The following SLC44A5 variants were observed in gnomAD, a reference collection of about 807,000 sequenced individuals.
The protein encoded by SLC44A5 is solute carrier family 44 member 5.
A neutral mutation model predicts 101.8 loss-of-function variants in SLC44A5; 57 were observed. That is an observed-to-expected ratio of 0.56 (90% CI 0.45 to 0.70). SLC44A5 has a LOEUF of 0.70. SLC44A5 is among the 30% of genes least tolerant of loss of function. SLC44A5 has a pLI of 0.00. For synonymous variants in SLC44A5, 281 were observed against 290.9 expected (o/e 0.97, Z 0.35); for missense variants, 737 against 853.1 (o/e 0.86, Z 1.70).
At chr1:75,268,617 C>T (rs1651201730) in intron 6 of SLC44A5, among the ~76,000 whole-genome samples, 1 of 152,070 alleles carries the variant, frequency 6.6e-6, no homozygotes, top group African/African-American at 2.4e-5. Flanking sequence ...AAAATAATTA[C>T]TGTAAGCATA....
chr1:75,277,606 C>A (rs1295453882), intron 5 of SLC44A5, among the ~76,000 whole-genome samples: 1 of 151,154 alleles, frequency 6.6e-6, no homozygotes, highest in Non-Finnish European at 1.5e-5. Context: ...GCAAAATGTT[C>A]ATAATGTAGG....
At chr1:75,689,524 G>A in the SLC44A5 span, among the ~76,000 whole-genome samples, 4 of 152,300 alleles carry the variant, frequency 2.6e-5, no homozygotes, top group African/African-American at 4.8e-5. Context: ...GCCATTGTAC[G>A]AGGCCCTAAC....
intron 9 of SLC44A5, 21 bp downstream of exon 9, chr1:75,241,980 G>C: frequency 6.3e-7 from 1 of 1,595,288 alleles, no homozygotes; most frequent in East Asian, 2.2e-5. Context: ...ATGTTTCTAA[G>C]GTAAAATAGT....
chr1:75,500,695 A>G (rs1217397519), intron 2 of SLC44A5, among the ~76,000 whole-genome samples: 4 of 152,222 alleles, frequency 2.6e-5, no homozygotes, highest in Non-Finnish European at 5.9e-5. Context: ...TGTAAAATTG[A>G]AGCAAATCAC....
intron 5 of SLC44A5, among the ~76,000 whole-genome samples, chr1:75,276,172 T>G (rs888303694): frequency 2.6e-5 from 4 of 152,194 alleles, no homozygotes; most frequent in African/African-American, 9.7e-5. Flanking sequence ...AGAGGCCAAA[T>G]TGGTTTCATC....
At chr1:75,355,334 C>T (rs557845910) in intron 3 of SLC44A5, among the ~76,000 whole-genome samples, 1 of 152,266 alleles carries the variant, frequency 6.6e-6, no homozygotes, top group South Asian at 2.1e-4. Context: ...AGTTTATATT[C>T]TAACACTATG....
At chr1:75,533,493 G>A (rs2101926051) in intron 2 of SLC44A5, among the ~76,000 whole-genome samples, 1 of 152,220 alleles carries the variant, frequency 6.6e-6, no homozygotes, top group East Asian at 1.9e-4. Context: ...TAGAGCCAGG[G>A]AAGGCAACGA....
chr1:75,355,097 A>G (rs1658970371), intron 3 of SLC44A5, among the ~76,000 whole-genome samples: 1 of 152,240 alleles, frequency 6.6e-6, no homozygotes, highest in Non-Finnish European at 1.5e-5. Context: ...AGTAATATAC[A>G]TTTAGTCAAA....
At chr1:75,416,024 G>A (rs1663620188) in intron 2 of SLC44A5, among the ~76,000 whole-genome samples, 1 of 152,206 alleles carries the variant, frequency 6.6e-6, no homozygotes, top group African/African-American at 2.4e-5. Flanking sequence ...CATTTTCTGA[G>A]TAGAATCCAA....
intron 4 of SLC44A5, among the ~76,000 whole-genome samples, chr1:75,335,317 A>G (rs1309430079): frequency 6.6e-6 from 1 of 152,220 alleles, no homozygotes; most frequent in Non-Finnish European, 1.5e-5. Flanking sequence ...ACTGATGTCT[A>G]AAATCAGAAT....
chr1:75,322,529 A>C (rs544651717), intron 4 of SLC44A5, among the ~76,000 whole-genome samples: 56 of 152,272 alleles, frequency 3.7e-4, no homozygotes, highest in Admixed American at 3.3e-3. Context: ...GAGAAAACTC[A>C]GTAATTTAGG....
At chr1:75,250,054 A>G (rs1381214151) in intron 7 of SLC44A5, among the ~76,000 whole-genome samples, 1 of 152,160 alleles carries the variant, frequency 6.6e-6, no homozygotes, top group Non-Finnish European at 1.5e-5. Context: ...TTACATAGGT[A>G]AACTTGTGTC....
intron 6 of SLC44A5, among the ~76,000 whole-genome samples, chr1:75,255,188 T>C (rs980521875): frequency 8.5e-5 from 13 of 152,082 alleles, no homozygotes; most frequent in Non-Finnish European, 1.9e-4. Flanking sequence ...AACCACCCAG[T>C]CCTTTTTTCT....
intron 2 of SLC44A5, among the ~76,000 whole-genome samples, chr1:75,406,448 T>C (rs567890338): frequency 2.0e-5 from 3 of 152,282 alleles, no homozygotes; most frequent in African/African-American, 7.2e-5. Context: ...TGAACATCGA[T>C]GTGAAAATCC....
At chr1:75,443,871 A>G (rs1200013589) in intron 2 of SLC44A5, among the ~76,000 whole-genome samples, 1 of 152,116 alleles carries the variant, frequency 6.6e-6, no homozygotes, top group Non-Finnish European at 1.5e-5. Context: ...AAGAAATGAA[A>G]AGACCATTTA....
intron 2 of SLC44A5, among the ~76,000 whole-genome samples, chr1:75,423,631 T>C (rs1664140624): frequency 6.6e-6 from 1 of 152,246 alleles, no homozygotes. Flanking sequence ...CGTTAATATG[T>C]GCCTGGCTCT....
At chr1:75,331,480 A>G (rs1657052224) in intron 4 of SLC44A5, among the ~76,000 whole-genome samples, 1 of 152,046 alleles carries the variant, frequency 6.6e-6, no homozygotes, top group Non-Finnish European at 1.5e-5. Flanking sequence ...AAGTCTCTCT[A>G]TTTCCACTAT....
chr1:75,345,948 T>C (rs1658221459), intron 3 of SLC44A5, among the ~76,000 whole-genome samples: 1 of 152,142 alleles, frequency 6.6e-6, no homozygotes, highest in Non-Finnish European at 1.5e-5. Flanking sequence ...AGGCTGTAGC[T>C]GTGAGAGAGG....
chr1:75,266,046 T>C (rs1387240531), intron 6 of SLC44A5, among the ~76,000 whole-genome samples: 3 of 152,142 alleles, frequency 2.0e-5, no homozygotes, highest in Non-Finnish European at 4.4e-5. Flanking sequence ...TTCATCTCTT[T>C]GGACACCGTA....
Sources: gnomAD v4.1 joint callset for allele counts (sites outside exome capture counted in the v4.1 genomes callset) on GRCh38, gnomAD v4.1.1 for gene constraint, MANE v1.5 for transcripts, NCBI Gene and HGNC (gene_info 2026-07-23, HGNC 2026-07-21) for gene names.